PCDHGB4: variants seen among roughly 807,000 people sequenced by gnomAD.
PCDHGB4 encodes protocadherin gamma subfamily B, 4.
PCDHGB4 carries 38 observed loss-of-function variants against 60.5 expected under a neutral mutation model. The observed-to-expected ratio is 0.63, with a 90% CI of 0.48 to 0.82. The LOEUF (loss-of-function observed/expected upper bound fraction) is 0.82. Among genes scored for constraint, PCDHGB4 ranks in the 40% least tolerant of loss-of-function variants. The probability of loss-of-function intolerance (pLI) is 0.00; values close to 1 mark genes in which losing one functional copy is unlikely to be tolerated. For missense variants in PCDHGB4, 1,109 were observed against 1,209.6 expected (o/e 0.92, Z 1.23); for synonymous variants, 456 against 509.7 (o/e 0.89, Z 1.42).
Position 141,491,930 on chromosome 5 carries a change from G to A in PCDHGB4, c.2398-2877G>A, listed in dbSNP as rs2099735399. On this transcript the variant is annotated intron_variant, in intron 1 of 3. Transcript: ENST00000519479. The surrounding 1 kb of genome is among the most constrained non-coding windows in gnomAD (Gnocchi z 6.9). ...GTGGCGACTGTGGGCGAGGGGAGGT[G>A]GGACCGACCCCCACCCCTACACTCA... 1.6e-6 allele frequency: 2 copies of A among 1,276,580 alleles called. No homozygotes were observed. The highest frequency in any genetic ancestry group is 2.1e-6 in the Non-Finnish European group (2 of 943,112). 79.1% of individuals were successfully genotyped at this position (1,276,580 alleles called of 1,614,324 possible).
rs1413324509 is a variant in PCDHGB4 at position 141,431,464 on chromosome 5, G to T, written c.2397+41183G>T. The T allele has an allele frequency of 6.2e-7, 1 of 1,613,782 alleles. No homozygotes were observed. The highest frequency in any genetic ancestry group is 2.2e-5 in the East Asian group (1 of 44,880). ...GCATCCGCGTGATGGTTCTGGATGC[G>T]AACGACAACGCACCAGCGTTTGCTC... On this transcript the variant is annotated intron_variant, in intron 1 of 3. Transcript: ENST00000519479. This position sits in a 1 kb window ranked among gnomAD's most constrained non-coding sequence, Gnocchi z 4.8.
At chr5:141,404,443 A>G in intron 1 of PCDHGB4, 1 of 1,613,468 alleles carries the variant, frequency 6.2e-7, no homozygotes, top group East Asian at 2.2e-5. Flanking sequence ...ATACCATCCA[A>G]GGGTCTCCTC....
chr5:141,400,290 C>T, intron 1 of PCDHGB4: 3 of 1,614,090 alleles, frequency 1.9e-6, no homozygotes, highest in Non-Finnish European at 2.5e-6. Context: ...CCGCCTGGAG[C>T]TGCTTCCAAC....
intron 1 of PCDHGB4, chr5:141,394,509 G>A (rs367855808): frequency 6.2e-7 from 1 of 1,614,146 alleles, no homozygotes; most frequent in Non-Finnish European, 8.5e-7. Context: ...CCTGTACCCC[G>A]CCCTCCCCAC....
intron 1 of PCDHGB4, among the ~76,000 whole-genome samples, chr5:141,464,397 C>T (rs1352852782): frequency 1.3e-5 from 2 of 150,158 alleles, no homozygotes; most frequent in Non-Finnish European, 3.0e-5. Context: ...TAATGAAGAA[C>T]CTGAGATATA....
chr5:141,444,545 C>G (rs1346405150), intron 1 of PCDHGB4, among the ~76,000 whole-genome samples: 1 of 152,042 alleles, frequency 6.6e-6, no homozygotes, highest in Non-Finnish European at 1.5e-5. Context: ...GTCTAGTGAG[C>G]AAAAGGCACT....
chr5:141,431,884 T>A lies in PCDHGB4; in HGVS notation c.2397+41603T>A. ...CCCTTTTAAATGTAAATGACCAAGA[T>A]TCTGAGGAAAACGGACAGGTGATCT... On this transcript the variant is annotated intron_variant, in intron 1 of 3. Transcript: ENST00000519479. This position sits in a 1 kb window ranked among gnomAD's most constrained non-coding sequence, Gnocchi z 4.8. 1.2e-6 allele frequency: 2 copies of A among 1,614,218 alleles called. No individual in the cohort carries two copies. Among genetic ancestry groups the A allele is most frequent in the Non-Finnish European group, 1.7e-6 (2 of 1,180,008 alleles).
At chr5:141,459,315 T>C (rs2154566534) in intron 1 of PCDHGB4, among the ~76,000 whole-genome samples, 1 of 152,362 alleles carries the variant, frequency 6.6e-6, no homozygotes, top group East Asian at 1.9e-4. Context: ...CTATTTTGTA[T>C]CCATCTTCTT....
chr5:141,408,556 T>C (rs1215804867), intron 1 of PCDHGB4: 3 of 1,613,940 alleles, frequency 1.9e-6, no homozygotes, highest in Non-Finnish European at 2.5e-6. Context: ...ATATTTTTCA[T>C]GTCATTGTGG....
At chr5:141,421,241 T>C in intron 1 of PCDHGB4, 1 of 1,600,982 alleles carries the variant, frequency 6.2e-7, no homozygotes, top group Non-Finnish European at 8.5e-7. Flanking sequence ...GCGAATCGGC[T>C]ACAGCGCGGG....
intron 1 of PCDHGB4, among the ~76,000 whole-genome samples, chr5:141,484,084 T>A (rs1030166144): frequency 3.3e-5 from 5 of 152,174 alleles, no homozygotes; most frequent in African/African-American, 4.8e-5. Flanking sequence ...TCTTTTGAAA[T>A]GGTCTTCGTT....
At chr5:141,430,351 A>G (rs923321842) in intron 1 of PCDHGB4, among the ~76,000 whole-genome samples, 5 of 152,046 alleles carry the variant, frequency 3.3e-5, no homozygotes, top group African/African-American at 1.2e-4. Flanking sequence ...CAATTCATTT[A>G]AAAGCTCATT....
intron 1 of PCDHGB4, among the ~76,000 whole-genome samples, chr5:141,426,115 G>A (rs574477590): frequency 4.6e-5 from 7 of 152,364 alleles, no homozygotes; most frequent in South Asian, 2.1e-4. Flanking sequence ...GAAGCAAGTC[G>A]GAGAGTGGCC....
intron 1 of PCDHGB4, chr5:141,417,651 A>G (rs2154547111): frequency 1.2e-6 from 1 of 822,038 alleles, no homozygotes; most frequent in Non-Finnish European, 1.8e-6. Flanking sequence ...CTCAGCCTCT[A>G]GCCTGGGATT....
At position 141,490,870 on chromosome 5, in the gene PCDHGB4, T is replaced by C; in HGVS notation, c.2398-3937T>C. Reference sequence around the variant, plus strand: ...GGTTCGAGACTCCGGCTCTCCCCCATTGCATGCCAACACATCTCTGCATGT... The same window carrying C: ...GGTTCGAGACTCCGGCTCTCCCCCACTGCATGCCAACACATCTCTGCATGT... On this transcript the variant is annotated intron_variant, in intron 1 of 3. Coordinates refer to ENST00000519479, the MANE Select transcript of PCDHGB4 (RefSeq NM_003736.4). The surrounding 1 kb of genome is among the most constrained non-coding windows in gnomAD (Gnocchi z 5.4). 6.2e-7 allele frequency: 1 copy of C among 1,613,888 alleles called. No homozygotes were observed. Among genetic ancestry groups the C allele is most frequent in the Non-Finnish European group, 8.5e-7 (1 of 1,179,932 alleles).
intron 1 of PCDHGB4, among the ~76,000 whole-genome samples, chr5:141,454,170 G>A (rs2098782662): frequency 6.6e-6 from 1 of 152,162 alleles, no homozygotes; most frequent in Admixed American, 6.5e-5. Context: ...TCTCTAGAAG[G>A]GCAGCTAAAG....
chr5:141,487,688 G>T lies in PCDHGB4; in HGVS notation c.2398-7119G>T, dbSNP rs376927186. ...AGGCATATGGCTAGGCCATGTCCTAGAGAGTACTGGCCTCTCAGTAAGTGC... is the reference window on the plus strand; with the variant it reads ...AGGCATATGGCTAGGCCATGTCCTATAGAGTACTGGCCTCTCAGTAAGTGC... On this transcript the variant is annotated intron_variant, in intron 1 of 3. Coordinates refer to ENST00000519479, the MANE Select transcript of PCDHGB4 (RefSeq NM_003736.4). The surrounding 1 kb of genome is among the most constrained non-coding windows in gnomAD (Gnocchi z 5.0). 1.2e-6 allele frequency: 2 copies of T among 1,604,966 alleles called. No individual in the cohort carries two copies.
chr5:141,392,416 T>C (rs576614359), intron 1 of PCDHGB4: 1 of 157,618 alleles, frequency 6.3e-6, no homozygotes, highest in African/African-American at 2.4e-5. Flanking sequence ...AAAACCTTCA[T>C]CTCACATTCT....
At chr5:141,484,866 C>T in intron 1 of PCDHGB4, 1 of 275,618 alleles carries the variant, frequency 3.6e-6, no homozygotes, top group Non-Finnish European at 6.8e-6. Flanking sequence ...GGTGGGGGAG[C>T]GTGGAGGATA....
Sources: allele counts gnomAD v4.1 joint callset (sites outside exome capture counted in the v4.1 genomes callset), GRCh38; gene constraint gnomAD v4.1.1; non-coding constraint Gnocchi (gnomAD v3.1); transcripts MANE v1.5; gene names NCBI Gene and HGNC (gene_info 2026-07-23, HGNC 2026-07-21).